Variants in PDE4C observed in about 807,000 individuals in gnomAD.
PDE4C encodes 3',5'-cyclic-AMP phosphodiesterase 4C.
A neutral mutation model predicts 63.9 loss-of-function variants in PDE4C; 50 were observed. That is an observed-to-expected ratio of 0.78 (90% CI 0.62 to 0.99). The LOEUF (loss-of-function observed/expected upper bound fraction) is 0.99. Ranked by LOEUF, PDE4C falls within the 50% of genes least tolerant of loss-of-function variation. PDE4C has a pLI of 0.00. For synonymous variants in PDE4C, 377 were observed against 385.1 expected (o/e 0.98, Z 0.25); for missense variants, 777 against 899.1 (o/e 0.86, Z 1.74).
At chr19:18,249,149 G>A, upstream of PDE4C, among the ~76,000 whole-genome samples, 1 of 151,890 alleles carries the variant, frequency 6.6e-6, no homozygotes, top group Middle Eastern at 3.2e-3. Context: ...GAAAAAAAGA[G>A]AGAGAGATGG....
At chr19:18,246,485 C>T (rs554012316) in intron 1 of PDE4C, among the ~76,000 whole-genome samples, 1 of 152,118 alleles carries the variant, frequency 6.6e-6, no homozygotes, top group South Asian at 2.1e-4. Flanking sequence ...GCCCAGACTA[C>T]CCTTTTCCTT....
chr19:18,229,212 G>GT, upstream of PDE4C, among the ~76,000 whole-genome samples: 1 of 148,654 alleles, frequency 6.7e-6, no homozygotes, highest in East Asian at 2.0e-4. Context: ...GCCTCCCAAA[G>GT]TGCTGGGATT....
At chr19:18,227,777 C>T (rs1297642148), upstream of PDE4C, among the ~76,000 whole-genome samples, 4 of 152,232 alleles carry the variant, frequency 2.6e-5, no homozygotes, top group Non-Finnish European at 5.9e-5. Flanking sequence ...CCCGGGGCGG[C>T]TGCCTCAGTC....
chr19:18,255,353 C>T, the PDE4C span: 2 of 398,838 alleles, frequency 5.0e-6, no homozygotes, highest in Non-Finnish European at 8.8e-6. The surrounding 1 kb of genome is among the most constrained non-coding windows in gnomAD (Gnocchi z 4.6). Context: ...AGGTGTGTGG[C>T]CAGGTGTGTG....
At position 18,240,696 on chromosome 19, in the gene PDE4C, C is replaced by T. The variant is rs548285452; in HGVS notation, c.-209-7296G>A. 2.0e-5 allele frequency among the ~76,000 whole-genome samples: 3 copies of T among 152,242 alleles called. No homozygotes were observed. The South Asian group carries it at 6.2e-4, about 32-fold the overall frequency. ...TGAGCCGAGATCATGCCACTGCACT[C>T]CAGCCTGGCAACAGAGCGAGACTAC... On this transcript the variant is annotated intron_variant, in intron 1 of 15. Coordinates refer to the PDE4C transcript ENST00000594617.
rs1199764893 is a variant in PDE4C at position 18,218,037 on chromosome 19, T to C, written c.1234+112A>G. 9 of 796,264 alleles carry C rather than the reference T, an allele frequency of 1.1e-5. No homozygotes were observed. The Admixed American group carries it at 1.5e-4, about 13-fold the overall frequency. 49.3% of individuals were successfully genotyped at this position (796,264 alleles called of 1,614,324 possible). ...AGGGAAAACTGTCATAGTCATTTCATAGACAGGGAGACTGGGCTCAGGGCA... is the reference window on the plus strand; with the variant it reads ...AGGGAAAACTGTCATAGTCATTTCACAGACAGGGAGACTGGGCTCAGGGCA... On this transcript the variant is annotated intron_variant, in intron 11 of 14. Coordinates refer to ENST00000262805, the Ensembl canonical transcript of PDE4C.
At chr19:18,251,972 G>C (rs1423078020), upstream of PDE4C, 2 of 397,684 alleles carry the variant, frequency 5.0e-6, no homozygotes, top group Non-Finnish European at 8.8e-6. Flanking sequence ...GAGCATTCTC[G>C]GGGCTGTACC....
chr19:18,253,017 A>T (rs938203814), upstream of PDE4C, among the ~76,000 whole-genome samples: 1 of 152,100 alleles, frequency 6.6e-6, no homozygotes, highest in African/African-American at 2.4e-5. Context: ...TCCCACTCAA[A>T]TTCATGCTCC....
intron 14 of PDE4C, 110 bp downstream of exon 14, chr19:18,211,649 C>A: frequency 7.9e-7 from 1 of 1,261,404 alleles, no homozygotes. Context: ...ACCCTTCAGG[C>A]ACACTCCCTG....
chr19:18,236,002 G>A (rs1174755775), upstream of PDE4C, among the ~76,000 whole-genome samples: 1 of 151,786 alleles, frequency 6.6e-6, no homozygotes, highest in Non-Finnish European at 1.5e-5. Context: ...GAGTGCAGTG[G>A]TGTGATCTCA....
intron 8 of PDE4C, 89 bp downstream of exon 8, chr19:18,219,145 T>C: frequency 1.9e-6 from 3 of 1,574,202 alleles, no homozygotes; most frequent in South Asian, 1.1e-5. Context: ...AACTGCCCAG[T>C]ATATAGGTGG....
At position 18,220,233 on chromosome 19, in the gene PDE4C, G is replaced by A. The variant is rs896727397; in HGVS notation, c.699C>T (p.Thr233=). 3 of 1,613,080 alleles carry A rather than the reference G, an allele frequency of 1.9e-6. No individual in the cohort carries two copies. The highest frequency in any genetic ancestry group is 1.1e-5 in the South Asian group (1 of 91,066). Residue 233 remains threonine, a synonymous_variant, in exon 7 of 15, where the codon ACC becomes ACT. Coordinates refer to ENST00000262805, the Ensembl canonical transcript of PDE4C. This position sits in a 1 kb window ranked among gnomAD's most constrained non-coding sequence, Gnocchi z 5.1. Reference sequence around the variant, plus strand: ...TGACTCAACAAAGCTCACCCAGGAAGGTCCGGGAGATGTACTCGGACACCT... The same window carrying A: ...TGACTCAACAAAGCTCACCCAGGAAAGTCCGGGAGATGTACTCGGACACCT...
upstream of PDE4C, chr19:18,250,485 A>G (rs10422545): frequency 0.34 from 133,785 of 398,708 alleles, 24,446 homozygotes; most frequent in African/African-American, 0.58. Context: ...GGGGAAAGGA[A>G]CTCAGAGTCA....
chr19:18,248,416 C>T (rs1191132528), upstream of PDE4C, among the ~76,000 whole-genome samples: 7 of 16,792 alleles, frequency 4.2e-4, no homozygotes, highest in South Asian at 1.8e-3. Context: ...AGAGGGTGGC[C>T]GGGCATGGAG....
At chr19:18,209,289 T>C (rs1967822983), downstream of PDE4C, 1 of 151,844 alleles carries the variant, frequency 6.6e-6, no homozygotes, top group South Asian at 2.1e-4. Context: ...TCTTGCTCTG[T>C]CACCCAGGCT....
upstream of PDE4C, among the ~76,000 whole-genome samples, chr19:18,230,187 C>T (rs1038493071): frequency 2.6e-5 from 4 of 152,310 alleles, no homozygotes; most frequent in Middle Eastern, 3.4e-3. Flanking sequence ...TCCCTCAGTA[C>T]TTGGCACTTA....
At chr19:18,219,110 C>CA in intron 8 of PDE4C, 72 bp from the exon 9 acceptor site, 1 of 1,574,174 alleles carries the variant, frequency 6.4e-7, no homozygotes, top group Non-Finnish European at 8.7e-7. Context: ...TCCATCCTCC[C>CA]ACCCCAGGTT....
chr19:18,226,979 C>T (rs1456639158), upstream of PDE4C, among the ~76,000 whole-genome samples: 1 of 152,068 alleles, frequency 6.6e-6, no homozygotes, highest in Non-Finnish European at 1.5e-5. Context: ...TCGGCACGTC[C>T]CTGGTTAGTG....
chr19:18,227,240 CTG>C (rs747295326), upstream of PDE4C, among the ~76,000 whole-genome samples: 1 of 152,180 alleles, frequency 6.6e-6, no homozygotes, highest in Non-Finnish European at 1.5e-5. Context: ...AGTGGGGAAA[CTG>C]AGGCTTCCAT....
Sources: gnomAD v4.1 joint callset for allele counts (sites outside exome capture counted in the v4.1 genomes callset) on GRCh38, gnomAD v4.1.1 for gene constraint, Gnocchi (gnomAD v3.1) non-coding constraint, MANE v1.5 for transcripts, NCBI Gene and HGNC (gene_info 2026-07-23, HGNC 2026-07-21) for gene names.